The following TBC1D16 variants were observed in gnomAD, a reference collection of about 807,000 sequenced individuals.
TBC1D16 encodes the protein TBC1 domain family member 16, also known as CTD-2529O21.1.
A neutral mutation model predicts 74.7 loss-of-function variants in TBC1D16; 58 were observed. The ratio of observed to expected loss-of-function variants is 0.78; its 90% CI spans 0.63 to 0.97. The LOEUF is 0.97. Ranked by LOEUF, TBC1D16 falls within the 50% of genes least tolerant of loss-of-function variation. The probability of loss-of-function intolerance (pLI) is 0.00; values close to 1 mark genes in which losing one functional copy is unlikely to be tolerated. For synonymous variants in TBC1D16, 493 were observed against 474.7 expected (o/e 1.04, Z -0.50); for missense variants, 1,014 against 1,079.5 (o/e 0.94, Z 0.85).
In TBC1D16 at chr17:79,944,182, G is replaced by A; in HGVS notation, c.1908+726C>T. 1 of 1,528,976 alleles carries A rather than the reference G, an allele frequency of 6.5e-7. No individual in the cohort carries two copies. Among genetic ancestry groups the A allele is most frequent in the Non-Finnish European group, 8.8e-7 (1 of 1,140,710 alleles). The allele number at this position is 1,528,976 out of a possible 1,614,324, so 94.7% of individuals were successfully genotyped here. ...GATGGGTGTTTGCCTCCATCTTCAG[G>A]GTTCTCTGACGGAGGCTGCTGGAGC... On this transcript the variant is annotated intron_variant, in intron 10 of 11. Transcript: ENST00000310924. This position sits in a 1 kb window ranked among gnomAD's most constrained non-coding sequence, Gnocchi z 7.7.
intron 1 of TBC1D16, among the ~76,000 whole-genome samples, chr17:80,027,652 G>C (rs1355135670): frequency 6.6e-6 from 1 of 151,790 alleles, no homozygotes; most frequent in African/African-American, 2.4e-5. Context: ...CAGCACTTTG[G>C]GAGGCTGAGG....
rs2031451303 is a variant in TBC1D16, at chr17:79,934,374, C to T, written c.*6485G>A. 6.6e-6 allele frequency: 1 copy of T among 152,346 alleles called. No homozygotes were observed. Among genetic ancestry groups the T allele is most frequent in the African/African-American group, 2.4e-5 (1 of 41,460 alleles). 9.4% of individuals were successfully genotyped at this position (152,346 alleles called of 1,614,324 possible). A position where few individuals can be genotyped will look rare whatever the true frequency, so the allele number is the denominator to read the frequency against. ...GACCCGTGCAGGTGGGATCATCCTT[C>T]CTGAGGAGCTGCCCTGCCCAGTCCC... On this transcript the variant is annotated 3_prime_UTR_variant, in exon 12 of 12. Coordinates refer to ENST00000310924, the MANE Select transcript of TBC1D16 (RefSeq NM_019020.4).
chr17:79,945,600 TG>T (rs1406685298), intron 9 of TBC1D16, among the ~76,000 whole-genome samples: 1 of 152,214 alleles, frequency 6.6e-6, no homozygotes, highest in Non-Finnish European at 1.5e-5. Flanking sequence ...CTCCCAATGA[TG>T]TGGGACAAGA....
intron 3 of TBC1D16, among the ~76,000 whole-genome samples, chr17:79,963,031 C>T (rs2033684907): frequency 7.0e-6 from 1 of 142,068 alleles, no homozygotes. Flanking sequence ...GCCTGGGCAA[C>T]AAGAGCAAAA....
In TBC1D16 at chr17:79,983,857, A is replaced by G. The variant is rs9892209; in HGVS notation, c.779+26303T>C. On this transcript the variant is annotated intron_variant, in intron 3 of 11. Coordinates refer to ENST00000310924, the MANE Select transcript of TBC1D16 (RefSeq NM_019020.4). This position sits in a 1 kb window ranked among gnomAD's most constrained non-coding sequence, Gnocchi z 5.6. ...TCTTTGGCATGTATCAAATATGACAAAATTTAAAAAAAATTTAAATTTATT... is the reference window on the plus strand; with the variant it reads ...TCTTTGGCATGTATCAAATATGACAGAATTTAAAAAAAATTTAAATTTATT... Among the ~76,000 whole-genome samples the G allele has an allele frequency of 0.71, 108,113 of 151,942 alleles. 38,756 individuals are homozygous for G. Among genetic ancestry groups the G allele is most frequent in the East Asian group, 0.85 (4,393 of 5,164 alleles).
rs1490409281 is a variant in TBC1D16 at position 79,981,326 on chromosome 17, T to G, written c.780-28508A>C. On this transcript the variant is annotated intron_variant, in intron 3 of 11. Coordinates refer to ENST00000310924, the MANE Select transcript of TBC1D16 (RefSeq NM_019020.4). This position sits in a 1 kb window ranked among gnomAD's most constrained non-coding sequence, Gnocchi z 6.9. ...CAGAAAATTCTTAGAGCAAAATGGC[T>G]GTTCACCAGCGGCGGGTATGTTCTT... is the stretch of plus-strand genomic sequence containing the variant. Among the ~76,000 whole-genome samples, 1 of 152,190 alleles carries G rather than the reference T, an allele frequency of 6.6e-6. No individual in the cohort carries two copies. The highest frequency in any genetic ancestry group is 1.5e-5 in the Non-Finnish European group (1 of 68,048).
rs62076647 is a variant in TBC1D16, at chr17:79,940,763, C to G, written c.*96G>C. The stretch of plus-strand genomic sequence containing the variant: ...AAAAGCATTTTCCTTAGGTTTCTAC[C>G]GTCCCCTGTCCCCTTCACGCCCAGC... On this transcript the variant is annotated 3_prime_UTR_variant, in exon 12 of 12. Coordinates refer to ENST00000310924, the MANE Select transcript of TBC1D16 (RefSeq NM_019020.4). The surrounding 1 kb of genome is among the most constrained non-coding windows in gnomAD (Gnocchi z 5.4). The G allele has an allele frequency of 0.13, 180,139 of 1,346,364 alleles. 13,385 individuals carry two copies. Among genetic ancestry groups the G allele is most frequent in the Non-Finnish European group, 0.15 (155,028 of 1,024,110 alleles). 83.4% of individuals were successfully genotyped at this position (1,346,364 alleles called of 1,614,324 possible). A position where few individuals can be genotyped will look rare whatever the true frequency, so the allele number is the denominator to read the frequency against.
intron 3 of TBC1D16, among the ~76,000 whole-genome samples, chr17:79,989,548 C>T (rs2034982746): frequency 6.6e-6 from 1 of 152,244 alleles, no homozygotes; most frequent in African/African-American, 2.4e-5. Context: ...GTTGCCTCTT[C>T]CCAACAGTCT....
rs2034584841 is a variant in TBC1D16 at position 79,981,607 on chromosome 17, C to T, written c.779+28553G>A. ...CGCATGAACATGATTTTTAAGCCATCCTACCAGCAACACTTCGTTTTCCAA... is the reference window on the plus strand; with the variant it reads ...CGCATGAACATGATTTTTAAGCCATTCTACCAGCAACACTTCGTTTTCCAA... On this transcript the variant is annotated intron_variant, in intron 3 of 11. Transcript: ENST00000310924. The surrounding 1 kb of genome is among the most constrained non-coding windows in gnomAD (Gnocchi z 6.9). 6.6e-6 allele frequency among the ~76,000 whole-genome samples: 1 copy of T among 152,250 alleles called. No homozygotes were observed. The highest frequency in any genetic ancestry group is 6.5e-5 in the Admixed American group (1 of 15,288).
At chr17:80,033,224 G>C (rs982079199) in intron 1 of TBC1D16, among the ~76,000 whole-genome samples, 11 of 152,184 alleles carry the variant, frequency 7.2e-5, no homozygotes, top group Non-Finnish European at 1.3e-4. Flanking sequence ...GGTAACTCAG[G>C]ATGTGTCAGG....
rs1245011205 is a variant in TBC1D16 at position 80,010,269 on chromosome 17, T to C, written c.670A>G (p.Ser224Gly). 6.2e-7 allele frequency: 1 copy of C among 1,613,542 alleles called. No individual in the cohort carries two copies. Among genetic ancestry groups the C allele is most frequent in the Non-Finnish European group, 8.5e-7 (1 of 1,179,874 alleles). ...ELSAEGVSRD[S>G]SFDSDSDTFS... ...GTGTCTGAGTCTGAGTCAAAGGAGCTGTCTCTGCTCACGCCCTCGGCTGAC... is the reference window on the plus strand; with the variant it reads ...GTGTCTGAGTCTGAGTCAAAGGAGCCGTCTCTGCTCACGCCCTCGGCTGAC... The change falls in exon 3 of 12, where the codon AGC (serine) becomes GGC (glycine). Residue 224 changes from serine to glycine, a missense_variant. Physicochemically the swap from Ser to Gly is moderately conservative, Grantham distance 56 (BLOSUM62 0). Coordinates refer to ENST00000310924, the MANE Select transcript of TBC1D16 (RefSeq NM_019020.4). This position sits in a 1 kb window ranked among gnomAD's most constrained non-coding sequence, Gnocchi z 8.8.
chr17:79,961,494 T>C lies in TBC1D16; in HGVS notation c.780-8676A>G, dbSNP rs867322488. Among the ~76,000 whole-genome samples the C allele has an allele frequency of 2.6e-5, 4 of 152,328 alleles. No individual in the cohort carries two copies. Among genetic ancestry groups the C allele is most frequent in the African/African-American group, 7.2e-5 (3 of 41,564 alleles). ...TCCAGTTATTCCATTCCCAAGTATT[T>C]ACCAAGAGAAATAAAAACATATGTC... On this transcript the variant is annotated intron_variant, in intron 3 of 11. Transcript: ENST00000310924. The surrounding 1 kb of genome is among the most constrained non-coding windows in gnomAD (Gnocchi z 4.8).
intron 1 of TBC1D16, among the ~76,000 whole-genome samples, chr17:80,015,433 CAAAAAAATAAAATAAATA>C: frequency 6.6e-6 from 1 of 151,520 alleles, no homozygotes; most frequent in East Asian, 2.0e-4. Context: ...GACTCCGTCT[CAAAAAAATAAAATAAATA>C]AAAAAAATAA....
chr17:80,010,412 G>A lies in TBC1D16; in HGVS notation c.527C>T (p.Ala176Val), dbSNP rs1160204534. 1.2e-6 allele frequency: 2 copies of A among 1,611,234 alleles called. No individual in the cohort carries two copies. Among genetic ancestry groups the A allele is most frequent in the South Asian group, 1.1e-5 (1 of 90,770 alleles). ...GGAGGGGCTGCAAGCAGGCTGCGAG[G>A]CTGGCTGGGCACCATCCACCCCCAA... is the stretch of plus-strand genomic sequence containing the variant. The part of the protein sequence containing the change: ...QGLGVDGAQP[A>V]SQPACSPSGI... The change falls in exon 3 of 12, where the codon GCC becomes GTC. Residue 176 changes from alanine (A) to valine (V), a missense_variant. Transcript: ENST00000310924. This position sits in a 1 kb window ranked among gnomAD's most constrained non-coding sequence, Gnocchi z 8.8.
Position 80,013,611 on chromosome 17 carries a change from T to G in TBC1D16, c.-62-2A>C. The stretch of plus-strand genomic sequence containing the variant: ...CGGGCAGGGCTCGTCAAGACCTGCC[T>G]GGGGGAGGAAGAGAGAGGAGATGGT... On this transcript the variant is annotated splice_acceptor_variant, in intron 1 of 11. Coordinates refer to ENST00000310924, the MANE Select transcript of TBC1D16 (RefSeq NM_019020.4). LOFTEE classifies it low-confidence loss of function (5UTR_SPLICE). The G allele has an allele frequency of 7.0e-7, 1 of 1,425,696 alleles. No homozygotes were observed. The highest frequency in any genetic ancestry group is 9.3e-7 in the Non-Finnish European group (1 of 1,077,014). The allele number at this position is 1,425,696 out of a possible 1,614,324, so 88.3% of individuals were successfully genotyped here. A position where few individuals can be genotyped will look rare whatever the true frequency, so the allele number is the denominator to read the frequency against.
chr17:80,018,125 T>A (rs183552108), intron 1 of TBC1D16, among the ~76,000 whole-genome samples: 26 of 149,906 alleles, frequency 1.7e-4, no homozygotes, highest in African/African-American at 6.4e-4. Context: ...ACCAGCCATG[T>A]CCAACAGAAA....
At chr17:79,976,459 G>A (rs1192802118) in intron 3 of TBC1D16, among the ~76,000 whole-genome samples, 1 of 152,240 alleles carries the variant, frequency 6.6e-6, no homozygotes, top group Non-Finnish European at 1.5e-5. Flanking sequence ...GGTATTGTGT[G>A]TGCACGTGTG....
chr17:79,943,478 G>A (rs185511415), intron 10 of TBC1D16, among the ~76,000 whole-genome samples: 20 of 152,242 alleles, frequency 1.3e-4, no homozygotes, highest in East Asian at 5.8e-4. Flanking sequence ...AGCCTTTCTC[G>A]CTCAGGGGTC....
Position 79,983,154 on chromosome 17 carries a change from C to T in TBC1D16, c.779+27006G>A, listed in dbSNP as rs1472715097. On this transcript the variant is annotated intron_variant, in intron 3 of 11. Coordinates refer to ENST00000310924, the MANE Select transcript of TBC1D16 (RefSeq NM_019020.4). The surrounding 1 kb of genome is among the most constrained non-coding windows in gnomAD (Gnocchi z 5.6). ...CATGGGCAAGTGAAATGCTACGTCC[C>T]TCACCAACAGGCCGCTGTGCAGGCG... Among the ~76,000 whole-genome samples the T allele has an allele frequency of 6.6e-6, 1 of 152,212 alleles. No individual in the cohort carries two copies. Among genetic ancestry groups the T allele is most frequent in the Non-Finnish European group, 1.5e-5 (1 of 68,040 alleles).
Sources: gnomAD v4.1 joint callset for allele counts (sites outside exome capture counted in the v4.1 genomes callset) on GRCh38, gnomAD v4.1.1 for gene constraint, Gnocchi (gnomAD v3.1) non-coding constraint, MANE v1.5 for transcripts, NCBI Gene and HGNC (gene_info 2026-07-23, HGNC 2026-07-21) for gene names.